The following LIMCH1 variants were observed in gnomAD, a reference collection of about 807,000 sequenced individuals.
The protein encoded by LIMCH1 is LIM and calponin homology domains 1.
LIMCH1 carries 113 observed loss-of-function variants against 176.5 expected under a neutral mutation model. The ratio of observed to expected loss-of-function variants is 0.64; its 90% confidence interval spans 0.55 to 0.75. The LOEUF (loss-of-function observed/expected upper bound fraction) is 0.75. LIMCH1 is among the 30% of genes least tolerant of loss of function. LIMCH1 has a pLI of 0.00. For missense variants in LIMCH1, 1,674 were observed against 1,814.9 expected (o/e 0.92, Z 1.41); for synonymous variants, 619 against 645.9 (o/e 0.96, Z 0.63).
At chr4:41,671,055 CT>C in intron 21 of LIMCH1, 41 of 818,596 alleles carry the variant, frequency 5.0e-5, no homozygotes, top group Non-Finnish European at 5.8e-5. Context: ...AGTCCCCTGC[CT>C]TTAAAAAAAA....
intron 1 of LIMCH1, among the ~76,000 whole-genome samples, chr4:41,581,005 A>G (rs1273134659): frequency 6.6e-6 from 1 of 152,202 alleles, no homozygotes; most frequent in African/African-American, 2.4e-5. Flanking sequence ...AAGATACTGG[A>G]AAGGTAAAGA....
intron 2 of LIMCH1, among the ~76,000 whole-genome samples, chr4:41,512,567 G>T (rs577650863): frequency 6.6e-6 from 1 of 152,260 alleles, no homozygotes; most frequent in South Asian, 2.1e-4. Flanking sequence ...ATATTATTTG[G>T]CTATAAAAAG....
intron 3 of LIMCH1, among the ~76,000 whole-genome samples, chr4:41,529,897 G>A (rs1325677303): frequency 6.6e-6 from 1 of 152,184 alleles, no homozygotes; most frequent in African/African-American, 2.4e-5. Context: ...GCAGGAATGT[G>A]ACTGGTCAGA....
rs759647845 is a variant in LIMCH1 at position 41,494,647 on chromosome 4, A to G, written c.167+41A>G. On this transcript the variant is annotated intron_variant, in intron 2 of 26. Coordinates refer to the LIMCH1 transcript ENST00000313860. ...ATTCAGTTGGTTTTATTCAAAAAAC[A>G]TCATTAATACTATCCAGTTTGGCTG... 7 of 1,272,614 alleles carry G rather than the reference A, an allele frequency of 5.5e-6. 1 individual carries two copies. The South Asian group carries it at 9.0e-5, about 16-fold the overall frequency. 78.8% of individuals were successfully genotyped at this position (1,272,614 alleles called of 1,614,324 possible). A position where few individuals can be genotyped will look rare whatever the true frequency, so the allele number is the denominator to read the frequency against.
rs755916305 is a variant in LIMCH1, at chr4:41,632,791, G to A, written c.1644G>A (p.Ser548=). ...GAGGTGACTATTGCAGAAGGGCCTC[G>A]TGGCTGGCTCCTGTGCCGGAGTCTC... is the stretch of plus-strand genomic sequence containing the variant. ...CGRGDYCRRA[S]WLAPVPESQE... Residue 548 remains serine (S), a synonymous_variant, in exon 11 of 32, where the codon TCG becomes TCA. Transcript: ENST00000503057. The A allele has an allele frequency of 2.0e-5, 30 of 1,536,144 alleles. No individual in the cohort carries two copies. The highest frequency in any genetic ancestry group is 1.7e-4 in the Middle Eastern group (1 of 6,012).
chr4:41,386,570 A>G (rs1279829331), intron 1 of LIMCH1, among the ~76,000 whole-genome samples: 1 of 152,228 alleles, frequency 6.6e-6, no homozygotes, highest in African/African-American at 2.4e-5. Context: ...GGATATGTTT[A>G]TGAAATGGAC....
chr4:41,692,614 C>T (rs1726996796), intron 31 of LIMCH1: 2 of 428,786 alleles, frequency 4.7e-6, no homozygotes, highest in South Asian at 5.4e-5. Context: ...ATCAGCACAC[C>T]AGCAGGTCAA....
chr4:41,484,643 G>T, intron 1 of LIMCH1, among the ~76,000 whole-genome samples: 1 of 152,184 alleles, frequency 6.6e-6, no homozygotes, highest in East Asian at 1.9e-4. Context: ...GTGTTTGTAG[G>T]AGGAAATCAC....
At chr4:41,505,022 A>G (rs2073963971) in intron 2 of LIMCH1, among the ~76,000 whole-genome samples, 1 of 152,208 alleles carries the variant, frequency 6.6e-6, no homozygotes, top group Non-Finnish European at 1.5e-5. Context: ...ACAGATCATA[A>G]TTGTAAAAAT....
chr4:41,463,012 A>G (rs11939312), intron 1 of LIMCH1, among the ~76,000 whole-genome samples: 12,442 of 152,144 alleles, frequency 0.082, 615 homozygotes, highest in East Asian at 0.15. Flanking sequence ...GATCACCAGC[A>G]TGGCACAGCT....
At chr4:41,490,060 T>C (rs1328098861) in intron 1 of LIMCH1, among the ~76,000 whole-genome samples, 1 of 152,044 alleles carries the variant, frequency 6.6e-6, no homozygotes, top group African/African-American at 2.4e-5. Context: ...CTCATCTTCA[T>C]ATGGGGTAGA....
chr4:41,684,292 T>A, intron 26 of LIMCH1, 105 bp from the exon 27 acceptor site: 1 of 952,056 alleles, frequency 1.1e-6, no homozygotes, highest in Admixed American at 2.6e-5. Flanking sequence ...CCCATCTCTT[T>A]TTTTATATTG....
chr4:41,516,763 C>T (rs888634435), intron 2 of LIMCH1, among the ~76,000 whole-genome samples: 2 of 152,104 alleles, frequency 1.3e-5, no homozygotes, highest in Non-Finnish European at 2.9e-5. Flanking sequence ...TATTTTTCCC[C>T]CTAGAAAATG....
At chr4:41,408,674 T>C (rs1031042762) in intron 1 of LIMCH1, among the ~76,000 whole-genome samples, 1 of 152,244 alleles carries the variant, frequency 6.6e-6, no homozygotes, top group Non-Finnish European at 1.5e-5. Flanking sequence ...TTGTTTCTTG[T>C]GTGATTTTAT....
intron 1 of LIMCH1, among the ~76,000 whole-genome samples, chr4:41,363,280 G>A (rs1035339378): frequency 2.6e-5 from 4 of 152,174 alleles, no homozygotes; most frequent in Admixed American, 6.5e-5. Context: ...TGAATCCCCG[G>A]GTGGGGGGGC....
chr4:41,624,566 A>G (rs1235232653), intron 7 of LIMCH1, among the ~76,000 whole-genome samples: 1 of 147,342 alleles, frequency 6.8e-6, no homozygotes, highest in Non-Finnish European at 1.5e-5. Flanking sequence ...AAAAACCGCA[A>G]TTACTTGTGC....
chr4:41,501,239 A>G (rs1017050342), intron 2 of LIMCH1, among the ~76,000 whole-genome samples: 4 of 152,242 alleles, frequency 2.6e-5, no homozygotes, highest in Admixed American at 2.0e-4. Flanking sequence ...CTTTGAAAGC[A>G]TAGATATATG....
intron 1 of LIMCH1, among the ~76,000 whole-genome samples, chr4:41,563,390 G>A (rs531484561): frequency 6.6e-6 from 1 of 152,290 alleles, no homozygotes; most frequent in African/African-American, 2.4e-5. Flanking sequence ...TTCCAGGGAT[G>A]TATCTGGAGC....
chr4:41,379,002 CA>C (rs2055219400), intron 1 of LIMCH1, among the ~76,000 whole-genome samples: 1 of 152,150 alleles, frequency 6.6e-6, no homozygotes, highest in Non-Finnish European at 1.5e-5. Context: ...AGATACTTGT[CA>C]AGAAAACTGT....
Sources: allele counts gnomAD v4.1 joint callset (sites outside exome capture counted in the v4.1 genomes callset), GRCh38; gene constraint gnomAD v4.1.1; transcripts MANE v1.5; gene names NCBI Gene and HGNC (gene_info 2026-07-23, HGNC 2026-07-21).